Variants in MYO5A observed in about 807,000 individuals in gnomAD.
MYO5A encodes the protein myosin VA, also known as unconventional myosin-Va.
A neutral mutation model predicts 249.7 loss-of-function variants in MYO5A; 98 were observed. The observed-to-expected ratio is 0.39, with a 90% CI of 0.33 to 0.46. The LOEUF (loss-of-function observed/expected upper bound fraction) is 0.46, where lower values mean the gene tolerates loss of function less well. Ranked by LOEUF, MYO5A falls within the 20% of genes least tolerant of loss-of-function variation. MYO5A has a pLI of 0.98. For missense variants in MYO5A, 1,696 were observed against 2,308.8 expected, an observed-to-expected ratio of 0.73 and a Z score of 5.44; for synonymous variants, 778 against 810.6, an observed-to-expected ratio of 0.96 and a Z score of 0.68.
At chr15:52,505,685 C>G in intron 1 of MYO5A, 1 of 1,254,856 alleles carries the variant, frequency 8.0e-7, no homozygotes, top group Non-Finnish European at 1.2e-6. Context: ...AGCATTCAAG[C>G]AGACGTCTTA....
Position 52,340,206 on chromosome 15 carries a change from T to C in MYO5A, c.4229A>G (p.Asn1410Ser), listed in dbSNP as rs964670972. Residue 1410 changes from asparagine (N) to serine (S), a missense_variant, in exon 32 of 42, where the codon AAC becomes AGC. Physicochemically the swap from Asn to Ser is conservative, Grantham distance 46. Transcript: ENST00000399233. ...SLQHEITRLTNENLYFEELYA... is the reference protein window; with the variant it reads ...SLQHEITRLTSENLYFEELYA... ...GGCAGCTCTCCTTACCAAGTTTTCG[T>C]TGGTCAGCCGGGTGATCTCGTGCTG... 1.4e-5 allele frequency: 22 copies of C among 1,614,000 alleles called. No homozygotes were observed. Among genetic ancestry groups the C allele is most frequent in the Non-Finnish European group, 1.7e-5 (20 of 1,180,022 alleles).
chr15:52,505,049 C>G (rs2077239925), intron 1 of MYO5A: 1 of 513,664 alleles, frequency 1.9e-6, no homozygotes, highest in South Asian at 2.2e-5. Flanking sequence ...TCTTCGGGAG[C>G]TGTGGAGGTA....
intron 1 of MYO5A, among the ~76,000 whole-genome samples, chr15:52,484,075 A>G (rs544105039): frequency 3.9e-5 from 6 of 152,348 alleles, no homozygotes; most frequent in African/African-American, 1.4e-4. Flanking sequence ...GCTCTGACAC[A>G]TGATCAAGTA....
At chr15:52,328,723 A>G (rs28693941) in intron 35 of MYO5A, among the ~76,000 whole-genome samples, 1 of 152,146 alleles carries the variant, frequency 6.6e-6, no homozygotes, top group African/African-American at 2.4e-5. Context: ...TCTCATGTCA[A>G]GCATTTATAA....
chr15:52,525,415 C>G (rs532950883), intron 1 of MYO5A, among the ~76,000 whole-genome samples: 2 of 152,266 alleles, frequency 1.3e-5, no homozygotes, highest in South Asian at 4.1e-4. Flanking sequence ...GCTGGAAAAA[C>G]TTACAAAATG....
intron 11 of MYO5A, 58 bp downstream of exon 11, chr15:52,396,258 C>T: frequency 9.7e-7 from 1 of 1,035,888 alleles, no homozygotes; most frequent in Non-Finnish European, 1.5e-6. Flanking sequence ...TAAACAAAGA[C>T]TAGGAATTCA....
At chr15:52,461,145 G>C (rs1421445539) in intron 1 of MYO5A, among the ~76,000 whole-genome samples, 1 of 152,094 alleles carries the variant, frequency 6.6e-6, no homozygotes, top group Non-Finnish European at 1.5e-5. Flanking sequence ...CGGAGACTAG[G>C]TGTCAACATG....
chr15:52,505,000 A>G (rs542105141), intron 1 of MYO5A, among the ~76,000 whole-genome samples: 10 of 152,316 alleles, frequency 6.6e-5, no homozygotes, highest in Non-Finnish European at 1.3e-4. Flanking sequence ...TGGCAGCTCA[A>G]TAATGTCGTT....
Position 52,392,032 on chromosome 15 carries a change from T to C in MYO5A, c.1440A>G (p.Glu480=). 1 of 1,612,068 alleles carries C rather than the reference T, an allele frequency of 6.2e-7. No homozygotes were observed. The highest frequency in any genetic ancestry group is 8.5e-7 in the Non-Finnish European group (1 of 1,178,894). ...AATCTATGAGTGTCCATGGAATTTG[T>C]TCCTTCATATATTCTTCTTGCTCCA... The part of the protein sequence containing the change: ...FKLEQEEYMK[E]QIPWTLIDFY... Residue 480 remains glutamate, a synonymous_variant, in exon 12 of 42, where the codon GAA becomes GAG. Coordinates refer to ENST00000399233, the MANE Select transcript of MYO5A (RefSeq NM_001382347.1).
At chr15:52,497,548 G>A (rs1426788121) in intron 1 of MYO5A, among the ~76,000 whole-genome samples, 1 of 151,086 alleles carries the variant, frequency 6.6e-6, no homozygotes, top group African/African-American at 2.4e-5. Context: ...CCTGAGCTCA[G>A]GAGTTCGTGA....
intron 3 of MYO5A, 76 bp from the exon 4 acceptor site, chr15:52,426,050 G>A: frequency 3.2e-6 from 4 of 1,247,250 alleles, no homozygotes; most frequent in Non-Finnish European, 4.6e-6. Context: ...TTAGTAAAGT[G>A]AGACTCACAG....
intron 27 of MYO5A, among the ~76,000 whole-genome samples, chr15:52,353,311 C>T (rs935021279): frequency 6.6e-6 from 1 of 152,164 alleles, no homozygotes; most frequent in African/African-American, 2.4e-5. Context: ...CTGGTCTGCC[C>T]CATCATACCC....
intron 1 of MYO5A, among the ~76,000 whole-genome samples, chr15:52,442,687 C>T (rs528368655): frequency 1.3e-5 from 2 of 152,118 alleles, no homozygotes; most frequent in African/African-American, 4.8e-5. Flanking sequence ...AGATGAAGTT[C>T]CAAGTCTACT....
chr15:52,528,959 C>T, upstream of MYO5A: 1 of 492,236 alleles, frequency 2.0e-6, no homozygotes, highest in Non-Finnish European at 2.7e-6. Context: ...CGGGGCGGGG[C>T]GGGGCGCCTC....
intron 1 of MYO5A, among the ~76,000 whole-genome samples, chr15:52,515,748 A>C (rs1318111733): frequency 6.6e-6 from 1 of 152,128 alleles, no homozygotes; most frequent in African/African-American, 2.4e-5. Context: ...GGTTTGTAGG[A>C]AGAGCAAGCA....
intron 1 of MYO5A, among the ~76,000 whole-genome samples, chr15:52,491,415 T>C (rs1420611905): frequency 6.6e-6 from 1 of 152,238 alleles, no homozygotes; most frequent in Non-Finnish European, 1.5e-5. Context: ...TTATAGAGTC[T>C]TTAAAAAATA....
chr15:52,343,335 T>G (rs2039467455), intron 30 of MYO5A, 138 bp from the exon 31 acceptor site: 1 of 739,930 alleles, frequency 1.4e-6, no homozygotes, highest in Admixed American at 2.2e-5. Flanking sequence ...TTTAAGACAT[T>G]ACCACAAAAA....
chr15:52,440,297 T>C (rs1222053986), intron 1 of MYO5A, among the ~76,000 whole-genome samples: 1 of 151,572 alleles, frequency 6.6e-6, no homozygotes, highest in Non-Finnish European at 1.5e-5. Context: ...AGATGGAGTC[T>C]CGCTCTGTTG....
intron 9 of MYO5A, among the ~76,000 whole-genome samples, chr15:52,402,441 T>A (rs1053323259): frequency 1.3e-5 from 2 of 152,136 alleles, no homozygotes; most frequent in African/African-American, 4.8e-5. Flanking sequence ...GTCTTTGCCT[T>A]CTGTAGCTCA....
Sources: gnomAD v4.1 joint callset for allele counts (sites outside exome capture counted in the v4.1 genomes callset) on GRCh38, gnomAD v4.1.1 for gene constraint, MANE v1.5 for transcripts, NCBI Gene and HGNC (gene_info 2026-07-23, HGNC 2026-07-21) for gene names.